The following CIZ1 variants were observed in gnomAD, a reference collection of about 807,000 sequenced individuals.
The protein encoded by CIZ1 is CDKN1A interacting zinc finger protein 1.
A neutral mutation model predicts 118.6 loss-of-function variants in CIZ1; 58 were observed. That is an observed-to-expected ratio of 0.49 (90% CI 0.40 to 0.61). The LOEUF (loss-of-function observed/expected upper bound fraction) is 0.61. Ranked by LOEUF, CIZ1 falls within the 20% of genes least tolerant of loss-of-function variation. The pLI is 0.00. For missense variants in CIZ1, 921 were observed against 1,115.9 expected, an observed-to-expected ratio of 0.83 and a Z score of 2.49; for synonymous variants, 448 against 443.4, an observed-to-expected ratio of 1.01 and a Z score of -0.13.
chr9:128,187,840 T>G (rs1194485158), intron 4 of CIZ1, 23 bp downstream of exon 4: 1 of 623,804 alleles, frequency 1.6e-6, no homozygotes, highest in Non-Finnish European at 3.0e-6. Flanking sequence ...CATTTATATA[T>G]ATATATAAAA....
intron 14 of CIZ1, 56 bp from the exon 15 acceptor site, chr9:128,167,220 C>A: frequency 7.1e-7 from 1 of 1,398,712 alleles, no homozygotes. Context: ...ACCTCCCAGA[C>A]ACAGGTCGGG....
chr9:128,178,473 G>A lies in CIZ1; in HGVS notation c.1516C>T (p.Pro506Ser). Reference protein sequence around the residue: ...EAGGGMEKTLPEPVGTQVSME... With the variant: ...EAGGGMEKTLSEPVGTQVSME... Reference sequence around the variant, plus strand: ...CTGACTTGGGTGCCCACAGGCTCTGGCAAGGTCTTTTCCATGCCTGAAATG... The same window carrying A: ...CTGACTTGGGTGCCCACAGGCTCTGACAAGGTCTTTTCCATGCCTGAAATG... Residue 506 changes from proline (P) to serine (S), a missense_variant, in exon 9 of 17, where the codon CCA becomes TCA. Coordinates refer to ENST00000372938, the MANE Select transcript of CIZ1 (RefSeq NM_001131016.2). 1 of 1,614,174 alleles carries A rather than the reference G, an allele frequency of 6.2e-7. No individual in the cohort carries two copies. The highest frequency in any genetic ancestry group is 8.5e-7 in the Non-Finnish European group (1 of 1,180,024).
intron 14 of CIZ1, among the ~76,000 whole-genome samples, chr9:128,168,103 C>T (rs1488455432): frequency 6.6e-6 from 1 of 152,260 alleles, no homozygotes; most frequent in African/African-American, 2.4e-5. Context: ...GGCCCCTCAC[C>T]ACCCTGGACT....
Position 128,203,565 on chromosome 9 carries a change from C to T in CIZ1, c.-6+621G>A, listed in dbSNP as rs1833619327. The T allele has an allele frequency of 6.4e-7, 1 of 1,551,314 alleles. No homozygotes were observed. The highest frequency in any genetic ancestry group is 8.7e-7 in the Non-Finnish European group (1 of 1,152,114). ...GGCCAGAACGCGGACCTCGACCTGC[C>T]GCAGATCGCTGTGGTGGGCGGCCAG... On this transcript the variant is annotated intron_variant, in intron 1 of 17. Coordinates refer to the CIZ1 transcript ENST00000372948. This position sits in a 1 kb window ranked among gnomAD's most constrained non-coding sequence, Gnocchi z 5.3.
chr9:128,177,530 C>T, intron 10 of CIZ1, 36 bp downstream of exon 10: 1 of 1,005,116 alleles, frequency 9.9e-7, no homozygotes, highest in Non-Finnish European at 1.4e-6. Context: ...CCACGCAGGC[C>T]CCACCCCTCC....
At chr9:128,189,804 G>A (rs367547735) in intron 3 of CIZ1, among the ~76,000 whole-genome samples, 8 of 122,824 alleles carry the variant, frequency 6.5e-5, no homozygotes, top group East Asian at 5.7e-4. Context: ...CAGCCTGGGC[G>A]ACAGAGCAAA....
At chr9:128,189,593 G>T (rs1213398373) in intron 3 of CIZ1, among the ~76,000 whole-genome samples, 1 of 152,060 alleles carries the variant, frequency 6.6e-6, no homozygotes, top group Non-Finnish European at 1.5e-5. Context: ...GCCAAGGCGG[G>T]TGGATCACCT....
chr9:128,192,161 T>C (rs1385328053), upstream of CIZ1, among the ~76,000 whole-genome samples: 1 of 152,128 alleles, frequency 6.6e-6, no homozygotes, highest in South Asian at 2.1e-4. Context: ...AGGCCGAGGC[T>C]GGAGGATCAA....
chr9:128,171,661 C>T (rs937022399), intron 11 of CIZ1, among the ~76,000 whole-genome samples: 2 of 151,836 alleles, frequency 1.3e-5, no homozygotes, highest in Admixed American at 1.3e-4. Flanking sequence ...TGCTTGAACC[C>T]AGGAGGCGGA....
chr9:128,194,629 C>T (rs1162535156), upstream of CIZ1, among the ~76,000 whole-genome samples: 2 of 151,990 alleles, frequency 1.3e-5, no homozygotes, highest in Admixed American at 6.6e-5. Flanking sequence ...CCAGCCTGGC[C>T]AACATAGTGA....
chr9:128,185,000 T>G (rs930777859), intron 5 of CIZ1, among the ~76,000 whole-genome samples: 2 of 151,860 alleles, frequency 1.3e-5, no homozygotes, highest in East Asian at 3.9e-4. Context: ...AATATTAAGC[T>G]GGGCGCAGTG....
intron 1 of CIZ1, among the ~76,000 whole-genome samples, chr9:128,202,606 C>T (rs1285288474): frequency 1.3e-5 from 2 of 152,146 alleles, no homozygotes; most frequent in Non-Finnish European, 1.5e-5. Context: ...ATTTTGGTCT[C>T]TTCTCAAATG....
intron 9 of CIZ1, 37 bp from the exon 10 acceptor site, chr9:128,177,800 T>C (rs1276707294): frequency 6.9e-7 from 1 of 1,445,874 alleles, no homozygotes; most frequent in Admixed American, 2.1e-5. Context: ...CCATCAACTG[T>C]GTACTTATAG....
intron 9 of CIZ1, among the ~76,000 whole-genome samples, chr9:128,178,104 C>T (rs1831097988): frequency 6.6e-6 from 1 of 152,092 alleles, no homozygotes; most frequent in Admixed American, 6.5e-5. Context: ...GCAACATTAC[C>T]CATGCGAGGA....
At chr9:128,200,436 G>A (rs2131051127) in intron 1 of CIZ1, among the ~76,000 whole-genome samples, 1 of 151,876 alleles carries the variant, frequency 6.6e-6, no homozygotes, top group South Asian at 2.1e-4. Flanking sequence ...GAGGCGGACA[G>A]ATCATGAGGT....
chr9:128,190,235 T>C (rs576413952), intron 3 of CIZ1, 94 bp downstream of exon 3: 1 of 858,344 alleles, frequency 1.2e-6, no homozygotes, highest in Non-Finnish European at 1.9e-6. Context: ...TAGCTCCCTC[T>C]CAGGGTGGCT....
At chr9:128,174,111 G>C (rs930732879) in intron 11 of CIZ1, among the ~76,000 whole-genome samples, 11 of 152,302 alleles carry the variant, frequency 7.2e-5, no homozygotes, top group Admixed American at 4.6e-4. Context: ...GGAGGAGACG[G>C]GCACCCCCAC....
In CIZ1 at chr9:128,187,922, A is replaced by G. The variant is rs1249169064; in HGVS notation, c.299T>C (p.Phe100Ser). The stretch of plus-strand genomic sequence containing the variant: ...GTCATACGTGGCTGGTGGCATTGCA[A>G]ACTGGTCCAGTCCTTTAGGAAAGCA... ...LLQQLQGLDQ[F>S]AMPPATYDTA... is the part of the protein sequence containing the mutation. The change falls in exon 4 of 17, where the codon TTT becomes TCT. Residue 100 changes from phenylalanine to serine, a missense_variant. Transcript: ENST00000372938. 1.3e-6 allele frequency: 1 copy of G among 757,580 alleles called. No individual in the cohort carries two copies. The highest frequency in any genetic ancestry group is 1.7e-5 in the Admixed American group (1 of 57,866). The allele number at this position is 757,580 out of a possible 1,614,324, so 46.9% of individuals were successfully genotyped here.
At chr9:128,202,072 C>T (rs755829618) in intron 1 of CIZ1, among the ~76,000 whole-genome samples, 1 of 152,228 alleles carries the variant, frequency 6.6e-6, no homozygotes, top group African/African-American at 2.4e-5. Flanking sequence ...AATTGTCAGC[C>T]ACATGTGGGT....
Sources: allele counts gnomAD v4.1 joint callset (sites outside exome capture counted in the v4.1 genomes callset), GRCh38; gene constraint gnomAD v4.1.1; non-coding constraint Gnocchi (gnomAD v3.1); transcripts MANE v1.5; gene names NCBI Gene and HGNC (gene_info 2026-07-23, HGNC 2026-07-21).